The following ZNF346 variants were observed in gnomAD, a reference collection of about 807,000 sequenced individuals.
The protein encoded by ZNF346 is double-stranded RNA-binding zinc finger protein JAZ.
In ZNF346, 23 loss-of-function variants were observed where a neutral mutation model predicts 33.7. That is an observed-to-expected ratio of 0.68 (90% CI 0.49 to 0.97). The LOEUF (loss-of-function observed/expected upper bound fraction) is 0.97. ZNF346 is among the 50% of genes least tolerant of loss of function. ZNF346 has a pLI of 0.00. For synonymous variants in ZNF346, 134 were observed against 142.4 expected, an observed-to-expected ratio of 0.94 and a Z score of 0.42; for missense variants, 340 against 371.1, an observed-to-expected ratio of 0.92 and a Z score of 0.69.
At chr5:177,032,051 A>T (rs1389762498) in intron 1 of ZNF346, among the ~76,000 whole-genome samples, 1 of 117,084 alleles carries the variant, frequency 8.5e-6, no homozygotes, top group Non-Finnish European at 1.6e-5. Flanking sequence ...CTTGTTGCCC[A>T]GGAGTGCAAT....
At chr5:177,076,923 C>A (rs548701016) in intron 8 of ZNF346, among the ~76,000 whole-genome samples, 1 of 152,232 alleles carries the variant, frequency 6.6e-6, no homozygotes. Flanking sequence ...TGCCTGTAAT[C>A]CCAGCTACTT....
intron 8 of ZNF346, among the ~76,000 whole-genome samples, chr5:177,076,895 G>C (rs1323578080): frequency 6.6e-6 from 1 of 152,128 alleles, no homozygotes; most frequent in Non-Finnish European, 1.5e-5. Context: ...ACAAAAATTA[G>C]CTGGGCATGG....
chr5:177,026,352 A>ATTTTTTTT (rs59380094), intron 1 of ZNF346, among the ~76,000 whole-genome samples: 1 of 101,898 alleles, frequency 9.8e-6, no homozygotes, highest in African/African-American at 4.2e-5. Context: ...TGGATTGGTA[A>ATTTTTTTT]TTTTTTTTTT....
intron 8 of ZNF346, chr5:177,079,321 G>A (rs903721141): frequency 2.6e-5 from 4 of 152,036 alleles, no homozygotes; most frequent in Admixed American, 6.6e-5. Context: ...ATAGCCCCTG[G>A]TTTTGTTAGG....
downstream of ZNF346, among the ~76,000 whole-genome samples, chr5:177,068,623 G>A (rs138577249): frequency 5.2e-4 from 75 of 143,662 alleles, 2 homozygotes; most frequent in East Asian, 0.014. Context: ...TCTCATCCCT[G>A]AATTAATCAT....
intron 4 of ZNF346, among the ~76,000 whole-genome samples, chr5:177,045,356 CAT>C (rs1419931239): frequency 6.6e-6 from 1 of 151,778 alleles, no homozygotes; most frequent in Non-Finnish European, 1.5e-5. Flanking sequence ...AAAAATCACT[CAT>C]AATTTTTTTT....
rs185885468 is a variant in ZNF346 at position 177,026,244 on chromosome 5, A to G, written c.175+3331A>G. On this transcript the variant is annotated intron_variant, in intron 1 of 6. Coordinates refer to ENST00000358149, the MANE Select transcript of ZNF346 (RefSeq NM_012279.4). ...GGTCTCAAACTCCTGACCTCAAGTG[A>G]TCTGCCCCCTTCAGCCTCCCAAAGT... Among the ~76,000 whole-genome samples the G allele has an allele frequency of 2.3e-4, 35 of 151,784 alleles. 1 individual carries two copies. Among genetic ancestry groups the G allele is most frequent in the Admixed American group, 2.2e-3 (33 of 15,214 alleles).
rs1005895716 is a variant in ZNF346, at chr5:177,077,446, G to A, written c.*3-1936G>A. Among the ~76,000 whole-genome samples the A allele has an allele frequency of 1.2e-4, 18 of 152,182 alleles. No individual in the cohort carries two copies. Among genetic ancestry groups the A allele is most frequent in the African/African-American group, 2.7e-4 (11 of 41,450 alleles). On this transcript the variant is annotated intron_variant, in intron 8 of 8. Coordinates refer to the ZNF346 transcript ENST00000503039. This position sits in a 1 kb window ranked among gnomAD's most constrained non-coding sequence, Gnocchi z 5.0. ...AATGGCTTCAGGCAAGGCTTGATCC[G>A]GGTGCACTCCAGCTCTTGGCCCTCT...
chr5:177,051,272 T>G (rs911458168), intron 5 of ZNF346, among the ~76,000 whole-genome samples: 17 of 149,482 alleles, frequency 1.1e-4, no homozygotes, highest in African/African-American at 4.2e-4. Context: ...CCTCCCAGGT[T>G]CATGCCATCC....
intron 5 of ZNF346, among the ~76,000 whole-genome samples, chr5:177,059,654 C>T (rs938080061): frequency 6.6e-6 from 1 of 152,168 alleles, no homozygotes; most frequent in African/African-American, 2.4e-5. Context: ...GGTCTTATCT[C>T]CCACTCAGTA....
chr5:177,026,171 AT>A (rs1280199357), intron 1 of ZNF346, among the ~76,000 whole-genome samples: 6 of 151,172 alleles, frequency 4.0e-5, no homozygotes, highest in African/African-American at 1.5e-4. Flanking sequence ...CATCTGGCTA[AT>A]TTTTGTATTT....
chr5:177,074,302 G>A (rs1168396671), intron 8 of ZNF346, among the ~76,000 whole-genome samples: 2 of 152,184 alleles, frequency 1.3e-5, no homozygotes, highest in African/African-American at 4.8e-5. Flanking sequence ...GTCCGGGTGG[G>A]GAAGACCTCC....
intron 6 of ZNF346, among the ~76,000 whole-genome samples, 189 bp downstream of exon 6, chr5:177,062,340 C>G (rs183517216): frequency 1.3e-5 from 2 of 152,286 alleles, no homozygotes; most frequent in East Asian, 3.9e-4. Context: ...TCTGCCCAGC[C>G]TTTAGACCTG....
At chr5:177,076,461 G>A (rs1319285982) in intron 8 of ZNF346, among the ~76,000 whole-genome samples, 13 of 152,184 alleles carry the variant, frequency 8.5e-5, no homozygotes, top group African/African-American at 2.4e-4. Context: ...TTCGATATCT[G>A]ATCAGGTTCC....
chr5:177,073,024 C>A (rs1159524756), intron 8 of ZNF346, among the ~76,000 whole-genome samples: 1 of 152,240 alleles, frequency 6.6e-6, no homozygotes, highest in Non-Finnish European at 1.5e-5. Context: ...CCCCCAAGGC[C>A]AAGTTGGCTG....
intron 1 of ZNF346, among the ~76,000 whole-genome samples, chr5:177,030,188 TGTA>T (rs925468982): frequency 1.3e-5 from 2 of 152,228 alleles, no homozygotes; most frequent in Non-Finnish European, 2.9e-5. Flanking sequence ...TAATTTCCCT[TGTA>T]AAATTTCTTC....
intron 1 of ZNF346, among the ~76,000 whole-genome samples, chr5:177,035,022 CTTT>C (rs397966758): frequency 6.9e-6 from 1 of 145,354 alleles, no homozygotes; most frequent in Non-Finnish European, 1.5e-5. Context: ...CTTTTCTTTT[CTTT>C]TTTTTTTTTG....
At chr5:177,061,333 T>C (rs1782524205) in intron 5 of ZNF346, among the ~76,000 whole-genome samples, 1 of 151,584 alleles carries the variant, frequency 6.6e-6, no homozygotes, top group Non-Finnish European at 1.5e-5. Flanking sequence ...TAGTTCCAGC[T>C]ACTTGGGAGG....
At chr5:177,074,289 G>A (rs1225990456) in intron 8 of ZNF346, among the ~76,000 whole-genome samples, 1 of 152,224 alleles carries the variant, frequency 6.6e-6, no homozygotes, top group Non-Finnish European at 1.5e-5. Flanking sequence ...CTCAGCTTAT[G>A]TAGTCCGGGT....
Sources: allele counts gnomAD v4.1 joint callset (sites outside exome capture counted in the v4.1 genomes callset), GRCh38; gene constraint gnomAD v4.1.1; non-coding constraint Gnocchi (gnomAD v3.1); transcripts MANE v1.5; gene names NCBI Gene and HGNC (gene_info 2026-07-23, HGNC 2026-07-21).